The following RASGEF1C variants were observed in gnomAD, a reference collection of about 807,000 sequenced individuals.
RASGEF1C encodes ras-GEF domain-containing family member 1C.
RASGEF1C carries 27 observed loss-of-function variants against 58.1 expected under a neutral mutation model. The observed-to-expected ratio is 0.46, with a 90% confidence interval of 0.34 to 0.64. The LOEUF (loss-of-function observed/expected upper bound fraction) is 0.64. Ranked by LOEUF, RASGEF1C falls within the 30% of genes least tolerant of loss-of-function variation. The pLI, the probability that RASGEF1C is intolerant of heterozygous loss-of-function variation, is 0.01. For synonymous variants in RASGEF1C, 243 were observed against 246.3 expected, an observed-to-expected ratio of 0.99 and a Z score of 0.13; for missense variants, 502 against 605.1, an observed-to-expected ratio of 0.83 and a Z score of 1.79.
At chr5:180,178,117 C>A (rs1174471803) in intron 1 of RASGEF1C, among the ~76,000 whole-genome samples, 2 of 151,184 alleles carry the variant, frequency 1.3e-5, no homozygotes, top group Non-Finnish European at 2.9e-5. Context: ...CAGGCGTGCA[C>A]CACCAAGCCT....
intron 10 of RASGEF1C, chr5:180,115,360 G>A: frequency 2.5e-6 from 1 of 407,234 alleles, no homozygotes; most frequent in South Asian, 1.8e-5. Flanking sequence ...TGATCCCGAT[G>A]CACTTACTGT....
At chr5:180,187,881 CCTT>C (rs1240232890) in intron 1 of RASGEF1C, among the ~76,000 whole-genome samples, 7 of 152,158 alleles carry the variant, frequency 4.6e-5, no homozygotes, top group African/African-American at 1.7e-4. Flanking sequence ...AAACGGGAAA[CCTT>C]GTGTGTTGCT....
At chr5:180,128,297 C>T (rs1766298996) in intron 5 of RASGEF1C, 113 bp downstream of exon 5, 1 of 1,011,854 alleles carries the variant, frequency 9.9e-7, no homozygotes, top group Admixed American at 1.7e-5. Context: ...GAGGCTAGGC[C>T]AGGGCCTCCT....
chr5:180,190,236 C>A (rs1389954644), intron 1 of RASGEF1C, among the ~76,000 whole-genome samples: 1 of 151,764 alleles, frequency 6.6e-6, no homozygotes, highest in Non-Finnish European at 1.5e-5. Context: ...GCCTGTAATC[C>A]CAGCATTTTG....
chr5:180,101,464 G>A lies in RASGEF1C; in HGVS notation c.*37C>T, dbSNP rs748955233. The A allele has an allele frequency of 2.5e-5, 40 of 1,607,110 alleles. No homozygotes were observed. Among genetic ancestry groups the A allele is most frequent in the South Asian group, 7.7e-5 (7 of 90,826 alleles). On this transcript the variant is annotated 3_prime_UTR_variant, in exon 14 of 14. Coordinates refer to ENST00000361132, the MANE Select transcript of RASGEF1C (RefSeq NM_175062.4). ...AGGCAGGGCTGTGGACGGCTTCTGC[G>A]GGCTCCAGCTCTTCCTCGTCCCTCA... is the stretch of plus-strand genomic sequence containing the variant.
rs1766503630 is a variant in RASGEF1C at position 180,137,550 on chromosome 5, T to TG, written c.300+39dup. 1 of 1,593,558 alleles carries TG rather than the reference T, an allele frequency of 6.3e-7. No individual in the cohort carries two copies. The highest frequency in any genetic ancestry group is 1.7e-5 in the Admixed American group (1 of 57,250). Reference sequence around the variant, plus strand: ...CGTTGAGGGCATGGCAGGGCAGTGCTGGTACACTCTGAGACCCCCTGGCCT... The same window carrying TG: ...CGTTGAGGGCATGGCAGGGCAGTGCTGGGTACACTCTGAGACCCCCTGGCCT... On this transcript the variant is annotated intron_variant, in intron 3 of 13. Coordinates refer to ENST00000361132, the MANE Select transcript of RASGEF1C (RefSeq NM_175062.4). The surrounding 1 kb of genome is among the most constrained non-coding windows in gnomAD (Gnocchi z 4.1).
intron 1 of RASGEF1C, among the ~76,000 whole-genome samples, chr5:180,171,102 G>A (rs1474241524): frequency 6.6e-6 from 1 of 152,168 alleles, no homozygotes; most frequent in African/African-American, 2.4e-5. Context: ...CCCCATCCAG[G>A]CATCCTGTGG....
intron 1 of RASGEF1C, among the ~76,000 whole-genome samples, chr5:180,146,065 G>A (rs530674205): frequency 2.0e-5 from 3 of 152,252 alleles, no homozygotes; most frequent in Non-Finnish European, 2.9e-5. Flanking sequence ...AGTCCAATTC[G>A]TCTATTTTTG....
chr5:180,113,210 CGGGGATGGACGGAGGGACA>C (rs1179138770), intron 11 of RASGEF1C, among the ~76,000 whole-genome samples: 24 of 81,970 alleles, frequency 2.9e-4, no homozygotes, highest in African/African-American at 1.1e-3. Flanking sequence ...ACAGAGGGAC[CGGGGATGGACGGAGGGACA>C]GGGGATGGAC....
chr5:180,133,005 G>C (rs1419305897), intron 4 of RASGEF1C, among the ~76,000 whole-genome samples: 4 of 151,188 alleles, frequency 2.6e-5, no homozygotes, highest in African/African-American at 9.7e-5. Flanking sequence ...CCAGTCCTCG[G>C]AGAGGGGCTG....
intron 12 of RASGEF1C, among the ~76,000 whole-genome samples, chr5:180,105,903 C>T (rs1174134763): frequency 3.9e-5 from 6 of 151,994 alleles, no homozygotes; most frequent in Non-Finnish European, 4.4e-5. Flanking sequence ...GTTACCTGGA[C>T]ACAAGCACAG....
rs1766882519 is a variant in RASGEF1C, at chr5:180,158,344, G to T, written c.-6-20286C>A. On this transcript the variant is annotated intron_variant, in intron 1 of 13. Coordinates refer to ENST00000361132, the MANE Select transcript of RASGEF1C (RefSeq NM_175062.4). This position sits in a 1 kb window ranked among gnomAD's most constrained non-coding sequence, Gnocchi z 4.0. ...ATTTAAAGTCTTCTTTCTTGGGTTG[G>T]TCTTTCATTTTAATGGAGCACATAC... is the stretch of plus-strand genomic sequence containing the variant. 1.3e-5 allele frequency among the ~76,000 whole-genome samples: 2 copies of T among 152,142 alleles called. No homozygotes were observed. The highest frequency in any genetic ancestry group is 2.1e-4 in the South Asian group (1 of 4,828).
intron 4 of RASGEF1C, among the ~76,000 whole-genome samples, chr5:180,135,527 C>T (rs919270175): frequency 5.3e-5 from 8 of 152,206 alleles, no homozygotes; most frequent in African/African-American, 1.4e-4. Context: ...CCCACAGTGG[C>T]GCCCTGGGAT....
At chr5:180,115,344 A>C (rs958015116) in intron 10 of RASGEF1C, 5 of 422,862 alleles carry the variant, frequency 1.2e-5, no homozygotes, top group African/African-American at 2.1e-5. Context: ...TCTTGATGCT[A>C]AGATCTGATC....
chr5:180,196,282 T>C (rs1344582776), intron 1 of RASGEF1C, among the ~76,000 whole-genome samples: 2 of 151,924 alleles, frequency 1.3e-5, no homozygotes, highest in African/African-American at 4.8e-5. Flanking sequence ...GGTGGATCAC[T>C]TGAGGTCAGG....
At chr5:180,186,429 T>C (rs534756637) in intron 1 of RASGEF1C, among the ~76,000 whole-genome samples, 4 of 152,306 alleles carry the variant, frequency 2.6e-5, no homozygotes, top group South Asian at 2.1e-4. Context: ...ATTACATTTA[T>C]AGTAGCATCC....
intron 10 of RASGEF1C, among the ~76,000 whole-genome samples, chr5:180,115,870 G>C (rs1260506874): frequency 1.3e-5 from 2 of 152,132 alleles, no homozygotes; most frequent in Non-Finnish European, 2.9e-5. Context: ...CAGTGGTGGG[G>C]GGGGATTGTG....
chr5:180,180,291 T>A (rs1581123117), intron 1 of RASGEF1C, among the ~76,000 whole-genome samples: 1 of 152,166 alleles, frequency 6.6e-6, no homozygotes. Flanking sequence ...TGCAGGCTGG[T>A]GGAAAGGGTG....
At chr5:180,182,356 G>A (rs570757479) in intron 1 of RASGEF1C, among the ~76,000 whole-genome samples, 4 of 152,118 alleles carry the variant, frequency 2.6e-5, no homozygotes, top group East Asian at 1.9e-4. Flanking sequence ...GGACCTTCAC[G>A]GTGAGTGTTA....
Sources: allele counts gnomAD v4.1 joint callset (sites outside exome capture counted in the v4.1 genomes callset), GRCh38; gene constraint gnomAD v4.1.1; non-coding constraint Gnocchi (gnomAD v3.1); transcripts MANE v1.5; gene names NCBI Gene and HGNC (gene_info 2026-07-23, HGNC 2026-07-21).